TPST2: variants seen among roughly 807,000 people sequenced by gnomAD.
TPST2 encodes the protein tyrosylprotein sulfotransferase 2.
TPST2 carries 16 observed loss-of-function variants against 27.8 expected under a neutral mutation model. The observed-to-expected ratio is 0.58, with a 90% confidence interval of 0.39 to 0.88. TPST2 has a LOEUF of 0.88. Ranked by LOEUF, TPST2 falls within the 40% of genes least tolerant of loss-of-function variation. TPST2 has a pLI of 0.00. For synonymous variants in TPST2, 229 were observed against 231.7 expected, an observed-to-expected ratio of 0.99 and a Z score of 0.10; for missense variants, 464 against 543.1, an observed-to-expected ratio of 0.85 and a Z score of 1.45.
At chr22:26,545,146 C>T (rs190590828) in intron 1 of TPST2, among the ~76,000 whole-genome samples, 1 of 152,336 alleles carries the variant, frequency 6.6e-6, no homozygotes, top group East Asian at 1.9e-4. Context: ...AAGGAATATG[C>T]TGCTTCCTGG....
intron 1 of TPST2, among the ~76,000 whole-genome samples, chr22:26,573,666 T>C (rs1927719179): frequency 6.6e-6 from 1 of 152,210 alleles, no homozygotes; most frequent in Non-Finnish European, 1.5e-5. Flanking sequence ...GATGTAATGT[T>C]CCTCAACAAG....
chr22:26,536,745 T>G (rs1055747905), intron 3 of TPST2, among the ~76,000 whole-genome samples: 3 of 152,196 alleles, frequency 2.0e-5, no homozygotes, highest in Non-Finnish European at 4.4e-5. Flanking sequence ...CATTCTGCTT[T>G]CTTCTCCAGC....
At chr22:26,582,652 A>C (rs1229035302) in intron 1 of TPST2, among the ~76,000 whole-genome samples, 4 of 152,152 alleles carry the variant, frequency 2.6e-5, no homozygotes, top group African/African-American at 9.7e-5. Context: ...TTGCACCCCA[A>C]CATCCAGTTG....
At chr22:26,551,539 TCTC>T (rs777400882) in intron 1 of TPST2, among the ~76,000 whole-genome samples, 5 of 152,140 alleles carry the variant, frequency 3.3e-5, no homozygotes, top group Non-Finnish European at 5.9e-5. Context: ...GAGCCTGTGT[TCTC>T]CTCCCTGTCT....
At position 26,524,624 on chromosome 22, in the gene TPST2, C is replaced by T. The variant is rs1003558691; in HGVS notation, c.*1651G>A. 6.6e-6 allele frequency: 1 copy of T among 152,210 alleles called. No individual in the cohort carries two copies. Among genetic ancestry groups the T allele is most frequent in the Non-Finnish European group, 1.5e-5 (1 of 68,058 alleles). The allele number at this position is 152,210 out of a possible 1,614,324, so 9.4% of individuals were successfully genotyped here. A position where few individuals can be genotyped will look rare whatever the true frequency, so the allele number is the denominator to read the frequency against. On this transcript the variant is annotated 3_prime_UTR_variant, in exon 7 of 7. Transcript: ENST00000338754. ...CAGCCTGACTCCAAAAACCCATGCCCCAAGCCACAATAAGTCACTGCCTTC... is the reference window on the plus strand; with the variant it reads ...CAGCCTGACTCCAAAAACCCATGCCTCAAGCCACAATAAGTCACTGCCTTC...
intron 6 of TPST2, among the ~76,000 whole-genome samples, chr22:26,527,212 A>G (rs1228068254): frequency 6.6e-6 from 1 of 152,262 alleles, no homozygotes; most frequent in Non-Finnish European, 1.5e-5. Flanking sequence ...ATAGATACAG[A>G]GACTAAAAAT....
At chr22:26,548,670 GA>G (rs1196785706) in intron 1 of TPST2, among the ~76,000 whole-genome samples, 1 of 151,994 alleles carries the variant, frequency 6.6e-6, no homozygotes, top group African/African-American at 2.4e-5. Context: ...TCCAAACTCG[GA>G]AAAAATTCAA....
At chr22:26,550,210 T>C (rs954162118) in intron 1 of TPST2, among the ~76,000 whole-genome samples, 2 of 152,116 alleles carry the variant, frequency 1.3e-5, no homozygotes, top group Non-Finnish European at 1.5e-5. Flanking sequence ...GCAAGTACCA[T>C]GTGCGGGGCC....
intron 1 of TPST2, chr22:26,565,262 G>A (rs975416110): frequency 1.3e-5 from 2 of 152,576 alleles, no homozygotes; most frequent in South Asian, 4.1e-4. Flanking sequence ...TGGAGGCGAG[G>A]GTCAGGCTCG....
intron 6 of TPST2, 98 bp downstream of exon 6, chr22:26,528,107 GTCTACCCCA>G: frequency 7.4e-7 from 1 of 1,343,376 alleles, no homozygotes; most frequent in Non-Finnish European, 1.0e-6. Flanking sequence ...TAGTGGACAT[GTCTACCCCA>G]GGGAGGCTCT....
At chr22:26,547,403 CCTT>C (rs1302581246) in intron 1 of TPST2, 2 of 152,092 alleles carry the variant, frequency 1.3e-5, no homozygotes, top group Non-Finnish European at 2.9e-5. Flanking sequence ...CCCAGCCCCT[CCTT>C]TTCTTGTAGG....
intron 1 of TPST2, among the ~76,000 whole-genome samples, chr22:26,576,442 G>A (rs137993168): frequency 2.6e-5 from 4 of 152,264 alleles, no homozygotes; most frequent in South Asian, 4.1e-4. Context: ...AGCAAGTCAT[G>A]TCATCACAGA....
rs1422372500 is a variant in TPST2 at position 26,524,525 on chromosome 22, TACAC to T, written c.*1746_*1749del. 1 of 134,944 alleles carries T rather than the reference TACAC, an allele frequency of 7.4e-6. No individual in the cohort carries two copies. Among genetic ancestry groups the T allele is most frequent in the Non-Finnish European group, 1.6e-5 (1 of 62,742 alleles). 8.4% of individuals were successfully genotyped at this position (134,944 alleles called of 1,614,324 possible). ...CTGTCTAAACACACACATACACACA[TACAC>T]ACCATGAAGTTTTAACTTCCCCATT... On this transcript the variant is annotated 3_prime_UTR_variant, in exon 7 of 7. Transcript: ENST00000338754.
intron 1 of TPST2, among the ~76,000 whole-genome samples, chr22:26,579,772 G>C (rs950626446): frequency 8.5e-5 from 13 of 152,078 alleles, no homozygotes; most frequent in African/African-American, 3.1e-4. Context: ...AGAAGACAGA[G>C]AGAGAAAAAA....
At chr22:26,549,880 A>AG (rs1435114116) in intron 1 of TPST2, among the ~76,000 whole-genome samples, 89 of 148,990 alleles carry the variant, frequency 6.0e-4, no homozygotes, top group African/African-American at 2.1e-3. Context: ...AAAAAAAAAA[A>AG]AAAAAAAATT....
chr22:26,536,142 T>C lies in TPST2; in HGVS notation c.1041+146A>G, dbSNP rs1268963981. ...CAAAATGGAAATACAAGCAATCATGTAGTTCACTGTGTCCATCAGACAGGA... is the reference window on the plus strand; with the variant it reads ...CAAAATGGAAATACAAGCAATCATGCAGTTCACTGTGTCCATCAGACAGGA... On this transcript the variant is annotated intron_variant, in intron 4 of 6. Transcript: ENST00000338754. The C allele has an allele frequency of 3.7e-6, 4 of 1,094,526 alleles. No homozygotes were observed. In the East Asian group the frequency reaches 1.0e-4, roughly 28 times the overall value. The allele number at this position is 1,094,526 out of a possible 1,614,324, so 67.8% of individuals were successfully genotyped here.
chr22:26,526,796 G>A (rs1435199460), intron 6 of TPST2, among the ~76,000 whole-genome samples: 1 of 152,214 alleles, frequency 6.6e-6, no homozygotes, highest in Non-Finnish European at 1.5e-5. Context: ...ATGGGATCTT[G>A]GGTAGGTGTG....
At chr22:26,580,440 G>A (rs1229544267) in intron 1 of TPST2, among the ~76,000 whole-genome samples, 1 of 152,172 alleles carries the variant, frequency 6.6e-6, no homozygotes, top group African/African-American at 2.4e-5. Flanking sequence ...TGTTGAGAGA[G>A]AGGTGACTAC....
At position 26,526,548 on chromosome 22, in the gene TPST2, T is replaced by A. The variant is rs200053660; in HGVS notation, c.*8-281A>T. On this transcript the variant is annotated intron_variant, in intron 6 of 6. Transcript: ENST00000338754. ...TATGTGATAAATACTGATGAATTCT[T>A]GGAGGCAAGAGAAGGACTCATGTTT... Among the ~76,000 whole-genome samples, 6 of 152,200 alleles carry A rather than the reference T, an allele frequency of 3.9e-5. No individual in the cohort carries two copies. The East Asian group carries it at 1.2e-3, about 29-fold the overall frequency.
Sources: gnomAD v4.1 joint callset for allele counts (sites outside exome capture counted in the v4.1 genomes callset) on GRCh38, gnomAD v4.1.1 for gene constraint, MANE v1.5 for transcripts, NCBI Gene and HGNC (gene_info 2026-07-23, HGNC 2026-07-21) for gene names.